PPP2R3C: variants seen among roughly 807,000 people sequenced by gnomAD.
PPP2R3C encodes the protein protein phosphatase 2 regulatory subunit B''gamma.
A neutral mutation model predicts 63.7 loss-of-function variants in PPP2R3C; 47 were observed. That is an observed-to-expected ratio of 0.74 (90% CI 0.58 to 0.94). The LOEUF is 0.94. Ranked by LOEUF, PPP2R3C falls within the 40% of genes least tolerant of loss-of-function variation. PPP2R3C has a pLI of 0.00. For synonymous variants in PPP2R3C, 180 were observed against 177.4 expected, an observed-to-expected ratio of 1.01 and a Z score of -0.12; for missense variants, 421 against 518.4, an observed-to-expected ratio of 0.81 and a Z score of 1.82.
At chr14:35,101,171 T>A (rs558730327) in intron 6 of PPP2R3C, 1 of 152,316 alleles carries the variant, frequency 6.6e-6, no homozygotes, top group Non-Finnish European at 1.5e-5. Context: ...GAGACAAGGT[T>A]TCACCGTGTT....
chr14:35,086,365 T>A (rs1376337312), intron 12 of PPP2R3C: 1 of 151,480 alleles, frequency 6.6e-6, no homozygotes, highest in African/African-American at 2.4e-5. Context: ...ACCCAGCTAA[T>A]TTTTGTATTT....
intron 11 of PPP2R3C, among the ~76,000 whole-genome samples, chr14:35,090,808 C>T (rs778752266): frequency 5.3e-5 from 8 of 150,886 alleles, no homozygotes; most frequent in Non-Finnish European, 1.0e-4. Flanking sequence ...CTCTGCCTCC[C>T]GGGTTCACGC....
At chr14:35,095,851 CAAAAAAA>C (rs59775301) in intron 9 of PPP2R3C, among the ~76,000 whole-genome samples, 1 of 41,132 alleles carries the variant, frequency 2.4e-5, no homozygotes, top group South Asian at 1.1e-3. Flanking sequence ...ACTCTATCTC[CAAAAAAA>C]AAAAAAAAAA....
chr14:35,114,097 A>G (rs1430417034), intron 2 of PPP2R3C, among the ~76,000 whole-genome samples: 3 of 152,236 alleles, frequency 2.0e-5, no homozygotes, highest in African/African-American at 7.2e-5. Context: ...GCTATCAAAA[A>G]TATTCAGTTA....
Position 35,110,566 on chromosome 14 carries a change from G to T in PPP2R3C, c.250C>A (p.Gln84Lys). 1 of 1,611,488 alleles carries T rather than the reference G, an allele frequency of 6.2e-7. No homozygotes were observed. Residue 84 changes from glutamine (Q) to lysine (K), a missense_variant, in exon 3 of 13, where the codon CAA becomes AAA. By Grantham distance (53) the Gln-to-Lys change is moderately conservative. This residue lies in a region of PPP2R3C where 143 missense variants were observed against 151.2 expected (regional missense o/e 0.95). Coordinates refer to ENST00000261475, the MANE Select transcript of PPP2R3C (RefSeq NM_017917.4). ...LREESRAVFL[Q>K]RKSRELLDNE... Reference sequence around the variant, plus strand: ...TCTAACAGTTCTCTGCTTTTTCTTTGTAGAAAGACAGCTCTTGATTCCTCT... The same window carrying T: ...TCTAACAGTTCTCTGCTTTTTCTTTTTAGAAAGACAGCTCTTGATTCCTCT...
intron 6 of PPP2R3C, among the ~76,000 whole-genome samples, chr14:35,104,942 C>G (rs769023650): frequency 6.6e-6 from 1 of 151,806 alleles, no homozygotes; most frequent in African/African-American, 2.4e-5. Context: ...CCATGTTGAT[C>G]AGGCTGGTCT....
intron 1 of PPP2R3C, chr14:35,117,115 A>G: frequency 2.2e-6 from 1 of 456,012 alleles, no homozygotes; most frequent in Non-Finnish European, 4.4e-6. Flanking sequence ...ATGAGGGGTG[A>G]GCAAGACAGC....
intron 12 of PPP2R3C, chr14:35,086,802 CT>C: frequency 6.6e-6 from 1 of 151,912 alleles, no homozygotes; most frequent in Non-Finnish European, 1.5e-5. Context: ...CCAGCCCCTT[CT>C]TTTTTTGTGT....
At chr14:35,107,985 C>G in intron 5 of PPP2R3C, 154 bp downstream of exon 5, 3 of 1,181,502 alleles carry the variant, frequency 2.5e-6, no homozygotes, top group Non-Finnish European at 3.3e-6. Context: ...TTTATGCTAA[C>G]CCAAGTTTAT....
Position 35,096,614 on chromosome 14 carries a change from G to C in PPP2R3C, c.782C>G (p.Ser261Cys). 6.2e-7 allele frequency: 1 copy of C among 1,613,764 alleles called. No homozygotes were observed. The highest frequency in any genetic ancestry group is 8.5e-7 in the Non-Finnish European group (1 of 1,179,866). Reference protein sequence around the residue: ...DLLELRDEELSKESQETNWFS... With the variant: ...DLLELRDEELCKESQETNWFS... ...CCAATTTGTTTCTTGACTCTCCTTG[G>C]ACAGTTCCTCATCCCTTAGCTAATG... is the stretch of plus-strand genomic sequence containing the variant. Residue 261 changes from serine (S) to cysteine (C), a missense_variant, in exon 9 of 13, where the codon TCC (serine) becomes TGC (cysteine). By Grantham distance (112) the Ser-to-Cys change is moderately radical. Transcript: ENST00000261475.
At chr14:35,088,142 ATCT>A (rs1371253069) in intron 11 of PPP2R3C, 132 bp from the exon 12 acceptor site, 4 of 723,920 alleles carry the variant, frequency 5.5e-6, no homozygotes, top group South Asian at 3.2e-5. Flanking sequence ...TCTCTTGCCA[ATCT>A]TCTTAGCTTT....
chr14:35,100,840 C>G (rs981976533), intron 6 of PPP2R3C: 19 of 152,144 alleles, frequency 1.2e-4, no homozygotes, highest in Non-Finnish European at 2.3e-4. Flanking sequence ...ACCATGTTGC[C>G]CAGGCTGGTC....
chr14:35,105,643 A>C (rs17103040), intron 6 of PPP2R3C, among the ~76,000 whole-genome samples: 3,386 of 151,998 alleles, frequency 0.022, 110 homozygotes, highest in African/African-American at 0.075. Context: ...CTCAACAAAA[A>C]CTATATGGAA....
intron 10 of PPP2R3C, among the ~76,000 whole-genome samples, chr14:35,094,659 C>A (rs1595085192): frequency 2.2e-5 from 1 of 45,524 alleles, no homozygotes; most frequent in Non-Finnish European, 6.5e-5. Context: ...GACACTGTTA[C>A]ACAGTGATAT....
At chr14:35,108,347 A>C in intron 4 of PPP2R3C, 111 bp from the exon 5 acceptor site, 1 of 1,292,702 alleles carries the variant, frequency 7.7e-7, no homozygotes, top group Non-Finnish European at 1.0e-6. Context: ...TGAAAGAACA[A>C]TAGAGACTCC....
chr14:35,101,540 TTAA>T (rs2046190677), intron 6 of PPP2R3C: 3 of 152,238 alleles, frequency 2.0e-5, no homozygotes, highest in African/African-American at 4.8e-5. Context: ...AATTAACTAG[TTAA>T]TAAGTGAAAC....
At chr14:35,120,056 G>A (rs2046820429) in intron 1 of PPP2R3C, among the ~76,000 whole-genome samples, 3 of 150,108 alleles carry the variant, frequency 2.0e-5, no homozygotes, top group Admixed American at 6.6e-5. Flanking sequence ...TTTCACTGCG[G>A]TCTCAGTCTC....
intron 3 of PPP2R3C, 42 bp from the exon 4 acceptor site, chr14:35,109,973 C>CTTGTTGTTTTT: frequency 7.0e-7 from 1 of 1,428,508 alleles, no homozygotes; most frequent in Non-Finnish European, 9.7e-7. Flanking sequence ...AAGTTAAAAA[C>CTTGTTGTTTTT]AACAAGATTT....
chr14:35,110,778 A>G, intron 2 of PPP2R3C, 149 bp from the exon 3 acceptor site: 2 of 579,610 alleles, frequency 3.5e-6, no homozygotes. Context: ...TTTAACAAAA[A>G]CTGATCCACA....
Sources: allele counts gnomAD v4.1 joint callset (sites outside exome capture counted in the v4.1 genomes callset), GRCh38; gene constraint gnomAD v4.1.1; regional missense constraint gnomAD v4.1.1; transcripts MANE v1.5; gene names NCBI Gene and HGNC (gene_info 2026-07-23, HGNC 2026-07-21).